ABCG4: variants seen among roughly 807,000 people sequenced by gnomAD.
ABCG4 encodes the protein ATP-binding cassette sub-family G member 4.
In ABCG4, 35 loss-of-function variants were observed where a neutral mutation model predicts 64.6. The ratio of observed to expected loss-of-function variants is 0.54; its 90% CI spans 0.41 to 0.72. ABCG4 has a LOEUF of 0.72. Ranked by LOEUF, ABCG4 falls within the 30% of genes least tolerant of loss-of-function variation. The pLI is 0.00. For missense variants in ABCG4, 610 were observed against 846.3 expected (o/e 0.72, Z 3.46); for synonymous variants, 326 against 348.2 (o/e 0.94, Z 0.71).
In ABCG4 at chr11:119,149,228, G is replaced by C. The variant is rs918928362; in HGVS notation, c.-148G>C. 1.3e-5 allele frequency: 2 copies of C among 150,890 alleles called. No homozygotes were observed. The highest frequency in any genetic ancestry group is 3.0e-5 in the Non-Finnish European group (2 of 67,572). 9.3% of individuals were successfully genotyped at this position (150,890 alleles called of 1,614,324 possible). A position where few individuals can be genotyped will look rare whatever the true frequency, so the allele number is the denominator to read the frequency against. Reference sequence around the variant, plus strand: ...CCTGCCCCGCCCCGGCCCCGCCCCGGCCCGGGCCGCCGGGACCGGGAGCCG... The same window carrying C: ...CCTGCCCCGCCCCGGCCCCGCCCCGCCCCGGGCCGCCGGGACCGGGAGCCG... On this transcript the variant is annotated 5_prime_UTR_variant, in exon 1 of 15. Coordinates refer to ENST00000619701, the MANE Select transcript of ABCG4 (RefSeq NM_022169.5). This position sits in a 1 kb window ranked among gnomAD's most constrained non-coding sequence, Gnocchi z 8.3.
Position 119,160,795 on chromosome 11 carries a change from A to C in ABCG4, c.1716-86A>C. ...GCACCCTGGCTGCACCCCAGGGATG[A>C]CAGCATTGCAGCTGGGCTCTGGCAG... On this transcript the variant is annotated intron_variant, in intron 14 of 14. Coordinates refer to ENST00000619701, the MANE Select transcript of ABCG4 (RefSeq NM_022169.5). The surrounding 1 kb of genome is among the most constrained non-coding windows in gnomAD (Gnocchi z 4.6). The C allele has an allele frequency of 1.3e-6, 2 of 1,509,902 alleles. No individual in the cohort carries two copies. Among genetic ancestry groups the C allele is most frequent in the Non-Finnish European group, 1.8e-6 (2 of 1,094,792 alleles). 93.5% of individuals were successfully genotyped at this position (1,509,902 alleles called of 1,614,324 possible).
rs370592684 is a variant in ABCG4 at position 119,156,985 on chromosome 11, G to T, written c.1039G>T (p.Val347Phe). Residue 347 changes from valine to phenylalanine, a missense_variant, in exon 9 of 15, where the codon GTC becomes TTC. Coordinates refer to ENST00000619701, the MANE Select transcript of ABCG4 (RefSeq NM_022169.5). The surrounding 1 kb of genome is among the most constrained non-coding windows in gnomAD (Gnocchi z 5.5). The stretch of plus-strand genomic sequence containing the variant: ...GAAGAGCAGCCCTGAGAAGAACGAG[G>T]TCCCTGCCCCATGCCCTCCTTGTCC... ...EKKSSPEKNEVPAPCPPCPPE... is the reference protein window; with the variant it reads ...EKKSSPEKNEFPAPCPPCPPE... 5.0e-6 allele frequency: 8 copies of T among 1,612,640 alleles called. No individual in the cohort carries two copies. The highest frequency in any genetic ancestry group is 1.7e-5 in the Admixed American group (1 of 59,702).
chr11:119,158,824 C>G lies in ABCG4; in HGVS notation c.1337-5C>G. On this transcript the variant is annotated splice_polypyrimidine_tract_variant and splice_region_variant and intron_variant, in intron 11 of 14. Transcript: ENST00000619701. The surrounding 1 kb of genome is among the most constrained non-coding windows in gnomAD (Gnocchi z 4.5). Reference sequence around the variant, plus strand: ...CGGGTGTGCCTAAGCAGCCTGTGTCCTCAGTCCCCTTAGAGATGGCGGTCT... The same window carrying G: ...CGGGTGTGCCTAAGCAGCCTGTGTCGTCAGTCCCCTTAGAGATGGCGGTCT... 2.5e-6 allele frequency: 4 copies of G among 1,614,194 alleles called. No homozygotes were observed. Among genetic ancestry groups the G allele is most frequent in the Non-Finnish European group, 3.4e-6 (4 of 1,180,018 alleles).
Position 119,161,626 on chromosome 11 carries a change from TTCC to T in ABCG4, c.*532_*534del. ...GACAGGGAAGGACTCTGGAAGTCTC[TTCC>T]TCCTCCTCCTCTTCTCTCCACCCCT... On this transcript the variant is annotated 3_prime_UTR_variant, in exon 15 of 15. Coordinates refer to ENST00000619701, the MANE Select transcript of ABCG4 (RefSeq NM_022169.5). 1.3e-5 allele frequency: 2 copies of T among 154,950 alleles called. No individual in the cohort carries two copies. Among genetic ancestry groups the T allele is most frequent in the Non-Finnish European group, 2.9e-5 (2 of 69,660 alleles). The allele number at this position is 154,950 out of a possible 1,614,324, so 9.6% of individuals were successfully genotyped here.
intron 12 of ABCG4, among the ~76,000 whole-genome samples, chr11:119,159,294 C>T (rs1231473895): frequency 6.6e-6 from 1 of 152,228 alleles, no homozygotes; most frequent in Non-Finnish European, 1.5e-5. Flanking sequence ...TGACACCAGC[C>T]TGGGCAACAT....
Position 119,161,269 on chromosome 11 carries a change from C to G in ABCG4, c.*163C>G. On this transcript the variant is annotated 3_prime_UTR_variant, in exon 15 of 15. Coordinates refer to ENST00000619701, the MANE Select transcript of ABCG4 (RefSeq NM_022169.5). Reference sequence around the variant, plus strand: ...CTGGCTGTCGGACTGCGCTCCCAGCCTGGGCTCTGGGAGTGGGGGCTCCAG... The same window carrying G: ...CTGGCTGTCGGACTGCGCTCCCAGCGTGGGCTCTGGGAGTGGGGGCTCCAG... 3.1e-6 allele frequency: 2 copies of G among 640,472 alleles called. No homozygotes were observed. Among genetic ancestry groups the G allele is most frequent in the Non-Finnish European group, 5.3e-6 (2 of 376,562 alleles). 39.7% of individuals were successfully genotyped at this position (640,472 alleles called of 1,614,324 possible).
intron 12 of ABCG4, among the ~76,000 whole-genome samples, chr11:119,159,302 C>G (rs1948313263): frequency 6.6e-6 from 1 of 152,238 alleles, no homozygotes; most frequent in African/African-American, 2.4e-5. Context: ...GCCTGGGCAA[C>G]ATGGCGAAAT....
rs1173942547 is a variant in ABCG4 at position 119,161,307 on chromosome 11, T to G, written c.*201T>G. On this transcript the variant is annotated 3_prime_UTR_variant, in exon 15 of 15. Transcript: ENST00000619701. ...GTGGGGGCTCCAGCCCTCCCCACTA[T>G]GCCCAGGAGTCTTCCCAAGTTGATG... is the stretch of plus-strand genomic sequence containing the variant. 1 of 569,878 alleles carries G rather than the reference T, an allele frequency of 1.8e-6. No individual in the cohort carries two copies. The highest frequency in any genetic ancestry group is 3.1e-6 in the Non-Finnish European group (1 of 320,050). The allele number at this position is 569,878 out of a possible 1,614,324, so 35.3% of individuals were successfully genotyped here. A position where few individuals can be genotyped will look rare whatever the true frequency, so the allele number is the denominator to read the frequency against.
In ABCG4 at chr11:119,156,192, T is replaced by C. The variant is rs1948261190; in HGVS notation, c.687-137T>C. On this transcript the variant is annotated intron_variant, in intron 6 of 14. Transcript: ENST00000619701. The surrounding 1 kb of genome is among the most constrained non-coding windows in gnomAD (Gnocchi z 5.5). ...GGTATCCCTCCAAGTGCCTGAACCGTAAAGGATACAGATGCGGCCAGAGTG... is the reference window on the plus strand; with the variant it reads ...GGTATCCCTCCAAGTGCCTGAACCGCAAAGGATACAGATGCGGCCAGAGTG... The C allele has an allele frequency of 1.7e-6, 2 of 1,197,328 alleles. No homozygotes were observed. The highest frequency in any genetic ancestry group is 1.2e-6 in the Non-Finnish European group (1 of 838,302). 74.2% of individuals were successfully genotyped at this position (1,197,328 alleles called of 1,614,324 possible).
chr11:119,157,000 C>T lies in ABCG4; in HGVS notation c.1054C>T (p.Pro352Ser), dbSNP rs1948274850. The change falls in exon 9 of 15, where the codon CCT becomes TCT. Residue 352 changes from proline (P) to serine (S), a missense_variant. Physicochemically the swap from Pro to Ser is moderately conservative, Grantham distance 74. Transcript: ENST00000619701. This position sits in a 1 kb window ranked among gnomAD's most constrained non-coding sequence, Gnocchi z 5.5. ...PEKNEVPAPC[P>S]PCPPEVDPIE... The stretch of plus-strand genomic sequence containing the variant: ...GAAGAACGAGGTCCCTGCCCCATGC[C>T]CTCCTTGTCCTCCGGTGAGTAGGGG... 1.2e-6 allele frequency: 2 copies of T among 1,607,698 alleles called. No homozygotes were observed. Among genetic ancestry groups the T allele is most frequent in the African/African-American group, 1.3e-5 (1 of 74,744 alleles).
rs533524718 is a variant in ABCG4, at chr11:119,149,802, G to A, written c.-12-152G>A. On this transcript the variant is annotated intron_variant, in intron 1 of 14. Transcript: ENST00000619701. The surrounding 1 kb of genome is among the most constrained non-coding windows in gnomAD (Gnocchi z 8.3). ...GGGACTGAGCGTCTCCGTGCGGAGA[G>A]TGGGGGGCGGGGGCAGAGTGCGGGG... 4.0e-6 allele frequency: 5 copies of A among 1,253,386 alleles called. No homozygotes were observed. The highest frequency in any genetic ancestry group is 1.5e-5 in the African/African-American group (1 of 66,214). The allele number at this position is 1,253,386 out of a possible 1,614,324, so 77.6% of individuals were successfully genotyped here.
At position 119,156,922 on chromosome 11, in the gene ABCG4, A is replaced by AG. The variant is rs1354464865; in HGVS notation, c.979dup (p.Ala327GlyfsTer11). On this transcript the variant is annotated frameshift_variant, in exon 9 of 15. Transcript: ENST00000619701. LOFTEE classifies it high-confidence loss of function. This position sits in a 1 kb window ranked among gnomAD's most constrained non-coding sequence, Gnocchi z 5.5. ...TGGAGACCTGAACCCCATGTTGTTC[A>AG]GGGCTGTGCAGAATGGGCTGTGCGC... is the stretch of plus-strand genomic sequence containing the variant. 6.2e-7 allele frequency: 1 copy of AG among 1,613,972 alleles called. No homozygotes were observed.
rs761257343 is a variant in ABCG4 at position 119,154,016 on chromosome 11, C to T, written c.239-10C>T. 2 of 1,613,200 alleles carry T rather than the reference C, an allele frequency of 1.2e-6. No individual in the cohort carries two copies. The highest frequency in any genetic ancestry group is 2.2e-5 in the South Asian group (2 of 91,048). On this transcript the variant is annotated splice_polypyrimidine_tract_variant and intron_variant, in intron 2 of 14. Transcript: ENST00000619701. This position sits in a 1 kb window ranked among gnomAD's most constrained non-coding sequence, Gnocchi z 7.0. ...AGCCTGACTAAAAATTCCTCCCCAC[C>T]TCACTGCAGGTTATAAGACCCTTCT...
At position 119,158,341 on chromosome 11, in the gene ABCG4, T is replaced by A; in HGVS notation, c.1167+9T>A. On this transcript the variant is annotated intron_variant, in intron 10 of 14. Transcript: ENST00000619701. The surrounding 1 kb of genome is among the most constrained non-coding windows in gnomAD (Gnocchi z 4.5). The stretch of plus-strand genomic sequence containing the variant: ...CCATCCTCAGGGACACGGTGAGGCG[T>A]CAGGCTGGGGGAGAGGAGGCTGGCA... 1 of 1,613,102 alleles carries A rather than the reference T, an allele frequency of 6.2e-7. No individual in the cohort carries two copies. Among genetic ancestry groups the A allele is most frequent in the Non-Finnish European group, 8.5e-7 (1 of 1,179,382 alleles).
At position 119,155,530 on chromosome 11, in the gene ABCG4, C is replaced by T. The variant is rs1948253511; in HGVS notation, c.686+615C>T. On this transcript the variant is annotated intron_variant, in intron 6 of 14. Coordinates refer to ENST00000619701, the MANE Select transcript of ABCG4 (RefSeq NM_022169.5). This position sits in a 1 kb window ranked among gnomAD's most constrained non-coding sequence, Gnocchi z 4.5. ...AGAGATGGGGTTTCACCATGTTGGT[C>T]AGGCTGGTCTTGAACTTCTGACCTC... 1 of 152,646 alleles carries T rather than the reference C, an allele frequency of 6.6e-6. No homozygotes were observed. The highest frequency in any genetic ancestry group is 1.5e-5 in the Non-Finnish European group (1 of 68,400). The allele number at this position is 152,646 out of a possible 1,614,324, so 9.5% of individuals were successfully genotyped here. A position where few individuals can be genotyped will look rare whatever the true frequency, so the allele number is the denominator to read the frequency against.
intron 12 of ABCG4, among the ~76,000 whole-genome samples, chr11:119,159,795 G>A (rs1048363213): frequency 1.3e-5 from 2 of 152,092 alleles, no homozygotes; most frequent in Non-Finnish European, 1.5e-5. Context: ...CTTTGGCCTG[G>A]TTGGCTCTTG....
At position 119,160,488 on chromosome 11, in the gene ABCG4, T is replaced by C; in HGVS notation, c.1597-50T>C. ...AGGGTGGAGCTCTAGGAAACCTGGG[T>C]TTGTCCTGGTCACCCCTATGATGGC... On this transcript the variant is annotated intron_variant, in intron 13 of 14. Coordinates refer to ENST00000619701, the MANE Select transcript of ABCG4 (RefSeq NM_022169.5). The surrounding 1 kb of genome is among the most constrained non-coding windows in gnomAD (Gnocchi z 4.6). 6.8e-6 allele frequency: 11 copies of C among 1,608,470 alleles called. No homozygotes were observed. The highest frequency in any genetic ancestry group is 9.3e-6 in the Non-Finnish European group (11 of 1,178,944).
At position 119,155,019 on chromosome 11, in the gene ABCG4, C is replaced by A. The variant is rs2135122320; in HGVS notation, c.686+104C>A. 1 of 1,458,746 alleles carries A rather than the reference C, an allele frequency of 6.9e-7. No individual in the cohort carries two copies. Among genetic ancestry groups the A allele is most frequent in the East Asian group, 2.3e-5 (1 of 43,480 alleles). The allele number at this position is 1,458,746 out of a possible 1,614,324, so 90.4% of individuals were successfully genotyped here. A position where few individuals can be genotyped will look rare whatever the true frequency, so the allele number is the denominator to read the frequency against. On this transcript the variant is annotated intron_variant, in intron 6 of 14. Coordinates refer to ENST00000619701, the MANE Select transcript of ABCG4 (RefSeq NM_022169.5). The surrounding 1 kb of genome is among the most constrained non-coding windows in gnomAD (Gnocchi z 4.5). ...CATGATCCAGAGCCTCTGTTCACAGCCTCCTGGGGCCAAGATAAGGGCTTC... is the reference window on the plus strand; with the variant it reads ...CATGATCCAGAGCCTCTGTTCACAGACTCCTGGGGCCAAGATAAGGGCTTC...
At chr11:119,159,171 C>A (rs1206264973) in intron 12 of ABCG4, among the ~76,000 whole-genome samples, 6 of 152,196 alleles carry the variant, frequency 3.9e-5, no homozygotes, top group African/African-American at 4.8e-5. Flanking sequence ...GGACAACTGA[C>A]AACAAACAGA....
Sources: allele counts gnomAD v4.1 joint callset (sites outside exome capture counted in the v4.1 genomes callset), GRCh38; gene constraint gnomAD v4.1.1; non-coding constraint Gnocchi (gnomAD v3.1); transcripts MANE v1.5; gene names NCBI Gene and HGNC (gene_info 2026-07-23, HGNC 2026-07-21).